KCTD1: variants seen among roughly 807,000 people sequenced by gnomAD.
KCTD1 encodes potassium channel tetramerization domain containing 1.
In KCTD1, 24 loss-of-function variants were observed where a neutral mutation model predicts 66.0. The observed-to-expected ratio is 0.36, with a 90% CI of 0.26 to 0.51. The LOEUF (loss-of-function observed/expected upper bound fraction) is 0.51, where lower values mean the gene tolerates loss of function less well. Among genes scored for constraint, KCTD1 ranks in the 20% least tolerant of loss-of-function variants. The pLI is 0.95. For missense variants in KCTD1, 943 were observed against 1,205.2 expected (o/e 0.78, Z 3.22); for synonymous variants, 511 against 517.2 (o/e 0.99, Z 0.16).
intron 2 of KCTD1, among the ~76,000 whole-genome samples, chr18:26,491,706 C>T (rs1466795781): frequency 6.6e-6 from 1 of 152,158 alleles, no homozygotes; most frequent in African/African-American, 2.4e-5. Context: ...TCCTCGGGGG[C>T]TGAAGGGCTC....
rs889400974 is a variant in KCTD1 at position 26,547,932 on chromosome 18, C to A, written c.605G>T (p.Gly202Val). The change falls in exon 1 of 5, where the codon GGG becomes GTG. Residue 202 changes from glycine to valine, a missense_variant. Gly to Val is a moderately radical substitution (Grantham distance 109). This residue lies in a region of KCTD1 where 96 missense variants were observed against 132.5 expected (regional missense o/e 0.72). Coordinates refer to ENST00000580059, the MANE Select transcript of KCTD1 (RefSeq NM_001142730.3). ...GGAGCGCAGCACGCGGCACAGCGCC[C>A]CCTTGTCCATGGTCTCGAAGTCCGG... ...QSPDFETMDK[G>V]ALCRVLRSFY... 3 of 1,543,644 alleles carry A rather than the reference C, an allele frequency of 1.9e-6. No homozygotes were observed. The highest frequency in any genetic ancestry group is 2.6e-6 in the Non-Finnish European group (3 of 1,146,800).
chr18:26,619,469 C>A (rs535959635), intron 1 of KCTD1, among the ~76,000 whole-genome samples: 1 of 152,126 alleles, frequency 6.6e-6, no homozygotes, highest in Non-Finnish European at 1.5e-5. Flanking sequence ...GTGATATAGA[C>A]GTATTGTAGG....
At chr18:26,627,273 T>A (rs1051724399) in intron 1 of KCTD1, among the ~76,000 whole-genome samples, 3 of 142,960 alleles carry the variant, frequency 2.1e-5, no homozygotes, top group Non-Finnish European at 3.0e-5. Flanking sequence ...TGTGTGTGTG[T>A]GTGTGTGTGT....
chr18:26,565,999 C>G (rs1216464123), intron 1 of KCTD1: 1 of 151,644 alleles, frequency 6.6e-6, no homozygotes, highest in Admixed American at 6.6e-5. Context: ...TTTTTCCCCC[C>G]CCAAGATAAC....
chr18:26,557,997 C>T (rs1985747967), intron 1 of KCTD1, among the ~76,000 whole-genome samples: 1 of 152,332 alleles, frequency 6.6e-6, no homozygotes, highest in African/African-American at 2.4e-5. Flanking sequence ...GTTTCATCTC[C>T]CTGATATGAG....
intron 1 of KCTD1, among the ~76,000 whole-genome samples, chr18:26,638,902 G>A (rs775216541): frequency 2.6e-5 from 4 of 152,194 alleles, no homozygotes; most frequent in Non-Finnish European, 5.9e-5. Context: ...CTCTTGCTCT[G>A]TCTTGTTTTT....
At chr18:26,589,123 A>T (rs1385762483) in intron 1 of KCTD1, among the ~76,000 whole-genome samples, 1 of 152,156 alleles carries the variant, frequency 6.6e-6, no homozygotes, top group Non-Finnish European at 1.5e-5. Context: ...CCTCATAATT[A>T]AAGGCTCTGT....
chr18:26,617,849 AAGGGAGGGAGGGAGGG>A lies in KCTD1; in HGVS notation c.-16+11282_-16+11297del, dbSNP rs56029109. On this transcript the variant is annotated intron_variant, in intron 1 of 4. Transcript: ENST00000317932. ...CAGAGGAAGAAGGAAGGAAGGAAGG[AAGGGAGGGAGGGAGGG>A]AGGGAGGGAGGGAGGGAAGGAGGGC... Among the ~76,000 whole-genome samples, 431 of 104,926 alleles carry A rather than the reference AAGGGAGGGAGGGAGGG, an allele frequency of 4.1e-3. 4 individuals are homozygous for A. Among genetic ancestry groups the A allele is most frequent in the African/African-American group, 0.014 (334 of 24,016 alleles). The allele number at this position is 104,926 out of a possible 152,430, so 68.8% of individuals were successfully genotyped here.
chr18:26,491,673 G>C lies in KCTD1; in HGVS notation c.1988+9399C>G, dbSNP rs188838883. Among the ~76,000 whole-genome samples, 245 of 152,320 alleles carry C rather than the reference G, an allele frequency of 1.6e-3. 1 individual carries two copies. Among genetic ancestry groups the C allele is most frequent in the African/African-American group, 5.7e-3 (235 of 41,576 alleles). ...GCAAGAGTTTTGTTCACGGCAGGAA[G>C]TGACTGGCCTGGAGCTCTGGCTTCC... On this transcript the variant is annotated intron_variant, in intron 2 of 4. Transcript: ENST00000580059.
At chr18:26,599,380 A>C in intron 1 of KCTD1, 1 of 1,599,106 alleles carries the variant, frequency 6.3e-7, no homozygotes, top group Non-Finnish European at 8.5e-7. Flanking sequence ...AGCAGTTTTT[A>C]GGTCTGTCAG....
At chr18:26,637,018 AC>A (rs1353084231) in intron 1 of KCTD1, among the ~76,000 whole-genome samples, 1 of 152,144 alleles carries the variant, frequency 6.6e-6, no homozygotes, top group African/African-American at 2.4e-5. Flanking sequence ...CACTGCTCTC[AC>A]CCGCTGCGGT....
intron 1 of KCTD1, among the ~76,000 whole-genome samples, chr18:26,541,485 A>G (rs936672774): frequency 2.0e-5 from 3 of 152,206 alleles, no homozygotes; most frequent in Admixed American, 1.3e-4. Context: ...CCTGCCAAAT[A>G]AAAAAACCCT....
At chr18:26,644,951 C>T (rs1167693306), upstream of KCTD1, among the ~76,000 whole-genome samples, 3 of 152,224 alleles carry the variant, frequency 2.0e-5, no homozygotes, top group African/African-American at 4.8e-5. Context: ...GTGTCCATGA[C>T]AGTGGGTTGC....
chr18:26,645,612 G>C (rs928272717), intron 1 of KCTD1, among the ~76,000 whole-genome samples: 2 of 152,070 alleles, frequency 1.3e-5, no homozygotes, highest in Non-Finnish European at 2.9e-5. Context: ...TGCCCAGACT[G>C]GTCTCAAACT....
intron 3 of KCTD1, among the ~76,000 whole-genome samples, chr18:26,466,473 G>C (rs994438016): frequency 1.3e-5 from 2 of 152,130 alleles, no homozygotes; most frequent in African/African-American, 2.4e-5. Context: ...TTTGACACTA[G>C]AGGGCATTTA....
intron 1 of KCTD1, among the ~76,000 whole-genome samples, chr18:26,613,504 G>A (rs1312796237): frequency 6.6e-6 from 1 of 152,162 alleles, no homozygotes; most frequent in African/African-American, 2.4e-5. Context: ...GGCTTTCCTT[G>A]ACATGGGTGT....
At chr18:26,609,963 C>A (rs1568008675) in intron 1 of KCTD1, among the ~76,000 whole-genome samples, 1 of 152,102 alleles carries the variant, frequency 6.6e-6, no homozygotes, top group Non-Finnish European at 1.5e-5. Flanking sequence ...ACTATACATA[C>A]CCATTTCATG....
intron 1 of KCTD1, among the ~76,000 whole-genome samples, chr18:26,531,676 A>G (rs1984440259): frequency 6.6e-6 from 1 of 152,158 alleles, no homozygotes; most frequent in African/African-American, 2.4e-5. Context: ...CTTAGGGTGG[A>G]AAGAGATTCT....
chr18:26,573,654 A>C (rs1279507708), intron 1 of KCTD1, among the ~76,000 whole-genome samples: 1 of 152,216 alleles, frequency 6.6e-6, no homozygotes, highest in African/African-American at 2.4e-5. Flanking sequence ...CTGTGCACGG[A>C]ATTTGCCAAA....
Sources: allele counts gnomAD v4.1 joint callset (sites outside exome capture counted in the v4.1 genomes callset), GRCh38; gene constraint gnomAD v4.1.1; regional missense constraint gnomAD v4.1.1; transcripts MANE v1.5; gene names NCBI Gene and HGNC (gene_info 2026-07-23, HGNC 2026-07-21).